The following ARB2A variants were observed in gnomAD, a reference collection of about 807,000 sequenced individuals.
The protein encoded by ARB2A is cotranscriptional regulator ARB2A.
chr5:94,093,749 T>C, the ARB2A span, among the ~76,000 whole-genome samples: 1 of 152,192 alleles, frequency 6.6e-6, no homozygotes, highest in African/African-American at 2.4e-5. Context: ...ATGTTCAAAG[T>C]TTCATCTAAA....
chr5:93,622,155 G>T, the ARB2A span, among the ~76,000 whole-genome samples: 3 of 152,056 alleles, frequency 2.0e-5, no homozygotes, highest in Non-Finnish European at 4.4e-5. Flanking sequence ...TTTTACCAGT[G>T]GCTTCATAAA....
chr5:93,866,108 T>C, the ARB2A span: 1 of 985,212 alleles, frequency 1.0e-6, no homozygotes, highest in South Asian at 4.7e-5. Flanking sequence ...TAAAAGGTTT[T>C]AGGACCAATG....
chr5:93,899,759 C>T, the ARB2A span, among the ~76,000 whole-genome samples: 101 of 152,102 alleles, frequency 6.6e-4, no homozygotes, highest in African/African-American at 1.3e-3. Flanking sequence ...CAGAAGAAGC[C>T]GGTTAAATGT....
chr5:94,048,196 A>G, the ARB2A span, among the ~76,000 whole-genome samples: 4 of 151,464 alleles, frequency 2.6e-5, no homozygotes, highest in African/African-American at 9.7e-5. Flanking sequence ...CTGGGATTAC[A>G]GGGGCGCAAC....
chr5:94,033,455 C>T, the ARB2A span, among the ~76,000 whole-genome samples: 3 of 152,112 alleles, frequency 2.0e-5, no homozygotes, highest in Non-Finnish European at 2.9e-5. Flanking sequence ...GATGGAGTCT[C>T]GCTCTGTCAC....
At chr5:93,718,071 G>A in the ARB2A span, among the ~76,000 whole-genome samples, 1 of 151,068 alleles carries the variant, frequency 6.6e-6, no homozygotes, top group Non-Finnish European at 1.5e-5. Flanking sequence ...CTGACCTCGC[G>A]ATCCACCCAC....
At chr5:93,627,823 C>A in the ARB2A span, among the ~76,000 whole-genome samples, 2 of 152,118 alleles carry the variant, frequency 1.3e-5, no homozygotes, top group Non-Finnish European at 2.9e-5. Context: ...GTTGTGTTAG[C>A]AGGAATGAAA....
the ARB2A span, among the ~76,000 whole-genome samples, chr5:93,921,157 TAAAA>T: frequency 1.4e-4 from 17 of 124,130 alleles, no homozygotes; most frequent in Non-Finnish European, 2.5e-4. Flanking sequence ...AAGACCATGT[TAAAA>T]AAAAAAAAAA....
the ARB2A span, among the ~76,000 whole-genome samples, chr5:93,871,990 C>T: frequency 3.3e-5 from 5 of 150,616 alleles, no homozygotes; most frequent in Non-Finnish European, 7.4e-5. Flanking sequence ...GGTCTATCGC[C>T]CAGGCTGGAG....
chr5:93,969,312 A>G, the ARB2A span, among the ~76,000 whole-genome samples: 1 of 152,078 alleles, frequency 6.6e-6, no homozygotes, highest in Non-Finnish European at 1.5e-5. Context: ...ACTCTGTTAT[A>G]AGGTACTTGT....
At chr5:94,108,206 A>G in the ARB2A span, among the ~76,000 whole-genome samples, 3 of 152,150 alleles carry the variant, frequency 2.0e-5, no homozygotes, top group Admixed American at 1.3e-4. Flanking sequence ...TCTCAGCTAC[A>G]AAACAAACGA....
At chr5:93,774,104 G>A in the ARB2A span, among the ~76,000 whole-genome samples, 1 of 152,234 alleles carries the variant, frequency 6.6e-6, no homozygotes, top group Non-Finnish European at 1.5e-5. Context: ...TGTTACTACT[G>A]TAATTGTTTT....
the ARB2A span, among the ~76,000 whole-genome samples, chr5:93,966,290 T>A: frequency 2.0e-5 from 3 of 152,032 alleles, no homozygotes; most frequent in Non-Finnish European, 1.5e-5. Flanking sequence ...CCAAATGAAT[T>A]CTACCACCAT....
chr5:93,726,004 T>G, the ARB2A span, among the ~76,000 whole-genome samples: 1 of 152,060 alleles, frequency 6.6e-6, no homozygotes, highest in African/African-American at 2.4e-5. Flanking sequence ...TGGTAATTGG[T>G]TGATACAGCA....
the ARB2A span, among the ~76,000 whole-genome samples, chr5:93,677,269 T>A: frequency 7.0e-4 from 106 of 152,242 alleles, no homozygotes; most frequent in African/African-American, 2.4e-3. Flanking sequence ...GTAAAAAAAA[T>A]TAAAGATACA....
chr5:93,975,578 A>C, the ARB2A span, among the ~76,000 whole-genome samples: 1 of 152,116 alleles, frequency 6.6e-6, no homozygotes, highest in South Asian at 2.1e-4. Flanking sequence ...AAATCTATGC[A>C]CAATCAGAAA....
At chr5:93,778,229 A>C in the ARB2A span, among the ~76,000 whole-genome samples, 1 of 152,244 alleles carries the variant, frequency 6.6e-6, no homozygotes, top group East Asian at 1.9e-4. Context: ...TAGAAACTAT[A>C]AAAGAAATAG....
the ARB2A span, among the ~76,000 whole-genome samples, chr5:93,728,145 G>C: frequency 6.6e-6 from 1 of 151,806 alleles, no homozygotes; most frequent in South Asian, 2.1e-4. Flanking sequence ...TGCCTAAATA[G>C]TTTTCAATAA....
the ARB2A span, among the ~76,000 whole-genome samples, chr5:93,860,145 T>C: frequency 6.6e-6 from 1 of 151,866 alleles, no homozygotes; most frequent in Non-Finnish European, 1.5e-5. Flanking sequence ...ATACAAAAAT[T>C]AGCCGGGTGT....
Sources: gnomAD v4.1 joint callset for allele counts (sites outside exome capture counted in the v4.1 genomes callset) on GRCh38, gnomAD v4.1.1 for gene constraint, MANE v1.5 for transcripts, NCBI Gene and HGNC (gene_info 2026-07-23, HGNC 2026-07-21) for gene names.